Variants in PLBD1 observed in about 807,000 individuals in gnomAD.
PLBD1 encodes the protein lysosomal leucine aminopeptidase.
A neutral mutation model predicts 63.0 loss-of-function variants in PLBD1; 60 were observed. That is an observed-to-expected ratio of 0.95 (90% confidence interval 0.77 to 1.18). The LOEUF (loss-of-function observed/expected upper bound fraction) is 1.18, where lower values mean the gene tolerates loss of function less well. Ranked by LOEUF, PLBD1 falls within the 50% of genes most tolerant of loss-of-function variation. PLBD1 has a pLI of 0.00. For synonymous variants in PLBD1, 262 were observed against 248.0 expected (o/e 1.06, Z -0.53); for missense variants, 598 against 677.9 (o/e 0.88, Z 1.31).
intron 2 of PLBD1, among the ~76,000 whole-genome samples, chr12:14,548,237 G>A (rs1335398151): frequency 2.0e-5 from 3 of 151,806 alleles, no homozygotes; most frequent in East Asian, 3.9e-4. Context: ...CAGACGGATC[G>A]CCTGAGGTCA....
chr12:14,566,884 C>T (rs979012338), intron 1 of PLBD1, among the ~76,000 whole-genome samples: 4 of 151,724 alleles, frequency 2.6e-5, no homozygotes, highest in African/African-American at 9.7e-5. Flanking sequence ...TCGCCCGAGT[C>T]AGGCGTTCGA....
At chr12:14,532,086 C>T (rs1393315675) in intron 6 of PLBD1, among the ~76,000 whole-genome samples, 4 of 151,866 alleles carry the variant, frequency 2.6e-5, no homozygotes, top group Non-Finnish European at 4.4e-5. Flanking sequence ...CTGAACCCTC[C>T]CCCACCTTCA....
intron 1 of PLBD1, among the ~76,000 whole-genome samples, chr12:14,564,245 G>C (rs1305896341): frequency 6.6e-6 from 1 of 152,158 alleles, no homozygotes; most frequent in African/African-American, 2.4e-5. Context: ...AGAGTTAAAG[G>C]AGCAACTGAA....
At chr12:14,504,858 A>G (rs868122402) in intron 10 of PLBD1, among the ~76,000 whole-genome samples, 24 of 152,198 alleles carry the variant, frequency 1.6e-4, no homozygotes, top group Admixed American at 2.6e-4. Context: ...TTACATTTTT[A>G]AAGAATATCC....
At chr12:14,521,483 C>G (rs917535735) in intron 6 of PLBD1, among the ~76,000 whole-genome samples, 1 of 152,106 alleles carries the variant, frequency 6.6e-6, no homozygotes, top group African/African-American at 2.4e-5. Flanking sequence ...TTTGACAGAG[C>G]TGCCATACAA....
chr12:14,542,387 C>A, intron 2 of PLBD1, 96 bp from the exon 3 acceptor site: 1 of 893,872 alleles, frequency 1.1e-6, no homozygotes, highest in Admixed American at 2.3e-5. Context: ...CTAGGATGTC[C>A]CTTATTACAA....
chr12:14,544,813 T>C (rs1945604652), intron 2 of PLBD1, among the ~76,000 whole-genome samples: 1 of 152,212 alleles, frequency 6.6e-6, no homozygotes, highest in Non-Finnish European at 1.5e-5. Flanking sequence ...TCTTACTTCT[T>C]ATTCCTTGTT....
At chr12:14,555,830 A>G (rs754446186) in intron 1 of PLBD1, among the ~76,000 whole-genome samples, 2 of 152,136 alleles carry the variant, frequency 1.3e-5, no homozygotes, top group Non-Finnish European at 2.9e-5. Flanking sequence ...TTCCTCTACA[A>G]ACTCAATGCT....
intron 6 of PLBD1, among the ~76,000 whole-genome samples, chr12:14,522,731 A>G (rs866067391): frequency 6.6e-6 from 1 of 152,186 alleles, no homozygotes; most frequent in African/African-American, 2.4e-5. Context: ...AACATAATAC[A>G]TCATATTAAC....
intron 2 of PLBD1, among the ~76,000 whole-genome samples, chr12:14,548,794 A>G (rs762178592): frequency 9.9e-5 from 15 of 152,224 alleles, no homozygotes; most frequent in Non-Finnish European, 1.9e-4. Context: ...CAAAGTAGCA[A>G]AACAAGTGTT....
At chr12:14,505,407 A>G (rs747527) in intron 10 of PLBD1, among the ~76,000 whole-genome samples, 84,431 of 152,000 alleles carry the variant, frequency 0.56, 23,938 homozygotes, top group African/African-American at 0.66. Flanking sequence ...GCATGATTCC[A>G]CCAACCAAAT....
chr12:14,552,695 G>C (rs1337282287), intron 2 of PLBD1, among the ~76,000 whole-genome samples: 1 of 152,184 alleles, frequency 6.6e-6, no homozygotes, highest in African/African-American at 2.4e-5. Flanking sequence ...GAGGTCAGGA[G>C]TTTAGGACCA....
rs867851022 is a variant in PLBD1, at chr12:14,542,268, T to C, written c.359A>G (p.Asn120Ser). The change falls in exon 3 of 11, where the codon AAC (asparagine) becomes AGC (serine). Residue 120 changes from asparagine (N) to serine (S), a missense_variant. Transcript: ENST00000240617. Reference protein sequence around the residue: ...TAPHMNDHYTNLYPQLITKPS... With the variant: ...TAPHMNDHYTSLYPQLITKPS... ...TTTCGTGATCAGCTGTGGGTAGAGG[T>C]TTGTGTAGTGGTCATTCATGTGTCT... The C allele has an allele frequency of 6.2e-7, 1 of 1,610,160 alleles. No homozygotes were observed. Among genetic ancestry groups the C allele is most frequent in the Non-Finnish European group, 8.5e-7 (1 of 1,176,458 alleles).
chr12:14,540,657 T>C (rs1450465247), intron 4 of PLBD1, 107 bp downstream of exon 4: 1 of 1,186,574 alleles, frequency 8.4e-7, no homozygotes, highest in Non-Finnish European at 1.1e-6. Flanking sequence ...GAATTTATAC[T>C]GTAGTTCTAC....
chr12:14,552,151 A>G (rs1163046562), intron 2 of PLBD1, among the ~76,000 whole-genome samples: 1 of 152,198 alleles, frequency 6.6e-6, no homozygotes, highest in African/African-American at 2.4e-5. Context: ...AGCCCAAGTA[A>G]AGTTTGGTTA....
chr12:14,509,702 T>C (rs201617328), intron 8 of PLBD1, among the ~76,000 whole-genome samples: 46 of 152,292 alleles, frequency 3.0e-4, no homozygotes, highest in Middle Eastern at 6.8e-3. Context: ...GGGTCCACAC[T>C]TTATCTCCGT....
intron 1 of PLBD1, among the ~76,000 whole-genome samples, chr12:14,566,511 C>A (rs1270171633): frequency 6.6e-6 from 1 of 152,140 alleles, no homozygotes; most frequent in Non-Finnish European, 1.5e-5. Context: ...TCTTTCAAGT[C>A]CCTTAGTTAC....
chr12:14,504,191 G>A (rs565576638), intron 10 of PLBD1, among the ~76,000 whole-genome samples: 24 of 152,086 alleles, frequency 1.6e-4, no homozygotes, highest in East Asian at 5.8e-4. Context: ...CTAGGATTAC[G>A]TGGATGGGCC....
At chr12:14,508,599 C>T (rs1429058084) in intron 8 of PLBD1, among the ~76,000 whole-genome samples, 1 of 151,968 alleles carries the variant, frequency 6.6e-6, no homozygotes, top group East Asian at 1.9e-4. Context: ...CAAGACCCTG[C>T]CTCCACTAAA....
Sources: allele counts gnomAD v4.1 joint callset (sites outside exome capture counted in the v4.1 genomes callset), GRCh38; gene constraint gnomAD v4.1.1; transcripts MANE v1.5; gene names NCBI Gene and HGNC (gene_info 2026-07-23, HGNC 2026-07-21).